Variants in UNC5D observed in about 807,000 individuals in gnomAD.
UNC5D encodes the protein unc-5 netrin receptor D.
A neutral mutation model predicts 105.4 loss-of-function variants in UNC5D; 39 were observed. That is an observed-to-expected ratio of 0.37 (90% CI 0.29 to 0.48). The LOEUF is 0.48. Among genes scored for constraint, UNC5D ranks in the 20% least tolerant of loss-of-function variants. The probability of loss-of-function intolerance (pLI) is 0.98; values close to 1 mark genes in which losing one functional copy is unlikely to be tolerated. For synonymous variants in UNC5D, 452 were observed against 450.4 expected, an observed-to-expected ratio of 1.00 and a Z score of -0.04; for missense variants, 991 against 1,202.4, an observed-to-expected ratio of 0.82 and a Z score of 2.60.
At chr8:35,719,429 A>C (rs990114232) in intron 8 of UNC5D, among the ~76,000 whole-genome samples, 1 of 152,122 alleles carries the variant, frequency 6.6e-6, no homozygotes, top group Non-Finnish European at 1.5e-5. Flanking sequence ...AGAAGGGTAA[A>C]AAAGAAAAGA....
intron 1 of UNC5D, among the ~76,000 whole-genome samples, chr8:35,354,895 C>T (rs149920742): frequency 6.0e-4 from 92 of 152,248 alleles, no homozygotes; most frequent in African/African-American, 2.1e-3. Context: ...CCAGTCCTTC[C>T]ACATGACATA....
chr8:35,706,397 T>A (rs1827579261), intron 8 of UNC5D, among the ~76,000 whole-genome samples: 1 of 152,088 alleles, frequency 6.6e-6, no homozygotes, highest in East Asian at 1.9e-4. Context: ...AACTCCATGG[T>A]GAAATAATGA....
intron 1 of UNC5D, among the ~76,000 whole-genome samples, chr8:35,384,290 C>G (rs1021466218): frequency 6.6e-6 from 1 of 151,946 alleles, no homozygotes; most frequent in Non-Finnish European, 1.5e-5. Flanking sequence ...AAAATTAACT[C>G]TGTTTCCCAC....
intron 1 of UNC5D, among the ~76,000 whole-genome samples, chr8:35,521,376 C>A (rs1455507388): frequency 1.3e-5 from 2 of 152,008 alleles, no homozygotes; most frequent in Non-Finnish European, 2.9e-5. Context: ...TTAAATTAAT[C>A]CTGCTATTCA....
chr8:35,570,129 C>T (rs772139967), intron 3 of UNC5D, among the ~76,000 whole-genome samples: 4 of 152,136 alleles, frequency 2.6e-5, no homozygotes, highest in Admixed American at 6.6e-5. Context: ...GTTAGTTTCC[C>T]GTTGCCATTC....
chr8:35,752,645 C>T (rs1185159713), intron 13 of UNC5D, among the ~76,000 whole-genome samples: 1 of 152,130 alleles, frequency 6.6e-6, no homozygotes, highest in Non-Finnish European at 1.5e-5. Context: ...CCTCTGCACT[C>T]CCCACCCCAC....
At chr8:35,364,027 C>T (rs933854057) in intron 1 of UNC5D, among the ~76,000 whole-genome samples, 2 of 151,962 alleles carry the variant, frequency 1.3e-5, no homozygotes, top group Non-Finnish European at 2.9e-5. Flanking sequence ...TAATAAAAAA[C>T]ACAAAAATTA....
intron 4 of UNC5D, among the ~76,000 whole-genome samples, chr8:35,664,406 T>C (rs28449348): frequency 0.2 from 29,696 of 152,116 alleles, 6,709 homozygotes; most frequent in African/African-American, 0.56. Context: ...GAGCCTTTCT[T>C]GCTCTGTTGC....
At chr8:35,684,430 T>G in intron 5 of UNC5D, 152 bp from the exon 6 acceptor site, 1 of 766,764 alleles carries the variant, frequency 1.3e-6, no homozygotes, top group Non-Finnish European at 2.0e-6. Context: ...TCCCCCACTG[T>G]TGTCTCATAA....
At chr8:35,265,636 C>T (rs1409484484) in intron 1 of UNC5D, among the ~76,000 whole-genome samples, 5 of 151,960 alleles carry the variant, frequency 3.3e-5, no homozygotes, top group South Asian at 2.1e-4. Context: ...TTTGGGAGGC[C>T]GATGTGGGCG....
At chr8:35,780,137 G>T (rs1009131292) in intron 16 of UNC5D, among the ~76,000 whole-genome samples, 9 of 152,160 alleles carry the variant, frequency 5.9e-5, no homozygotes, top group Non-Finnish European at 1.0e-4. Context: ...GTTTTTCCCA[G>T]TGCCCTCCTC....
chr8:35,470,436 G>A (rs1306321008), intron 1 of UNC5D, among the ~76,000 whole-genome samples: 2 of 151,914 alleles, frequency 1.3e-5, no homozygotes, highest in African/African-American at 4.8e-5. Flanking sequence ...GGGGAAGGAA[G>A]ATGTACACAT....
intron 1 of UNC5D, among the ~76,000 whole-genome samples, chr8:35,475,186 G>C (rs980819106): frequency 6.6e-6 from 1 of 152,040 alleles, no homozygotes; most frequent in African/African-American, 2.4e-5. Flanking sequence ...GGTGAATTTG[G>C]GAGTCCAGAC....
chr8:35,549,576 T>C (rs1340503151), intron 2 of UNC5D, 66 bp downstream of exon 2: 10 of 1,439,108 alleles, frequency 6.9e-6, no homozygotes, highest in Non-Finnish European at 9.5e-6. Context: ...GTTATATCTC[T>C]GGGAAAGACT....
chr8:35,348,792 T>C (rs1226537697), intron 1 of UNC5D, among the ~76,000 whole-genome samples: 1 of 151,854 alleles, frequency 6.6e-6, no homozygotes, highest in African/African-American at 2.4e-5. Context: ...GAATGTACCT[T>C]TGAACCAAGG....
chr8:35,646,869 A>G (rs1823085779), intron 4 of UNC5D, among the ~76,000 whole-genome samples: 1 of 152,144 alleles, frequency 6.6e-6, no homozygotes, highest in South Asian at 2.1e-4. Context: ...TTAGGTGAAA[A>G]TGGGATGTCG....
chr8:35,407,279 G>A (rs1336426677), intron 1 of UNC5D, among the ~76,000 whole-genome samples: 3 of 151,960 alleles, frequency 2.0e-5, no homozygotes, highest in South Asian at 4.1e-4. Flanking sequence ...CTTGCCTAAC[G>A]ATGCATTTCT....
chr8:35,460,245 A>T (rs988058227), intron 1 of UNC5D, among the ~76,000 whole-genome samples: 8 of 152,264 alleles, frequency 5.3e-5, no homozygotes, highest in Non-Finnish European at 4.4e-5. Flanking sequence ...GTAGGGGGGC[A>T]GCATTCAGTG....
At chr8:35,510,586 A>G (rs1433095032) in intron 1 of UNC5D, among the ~76,000 whole-genome samples, 1 of 152,090 alleles carries the variant, frequency 6.6e-6, no homozygotes, top group Admixed American at 6.5e-5. Flanking sequence ...CCTGAGACCA[A>G]GAAATATTTG....
Sources: gnomAD v4.1 joint callset for allele counts (sites outside exome capture counted in the v4.1 genomes callset) on GRCh38, gnomAD v4.1.1 for gene constraint, MANE v1.5 for transcripts, NCBI Gene and HGNC (gene_info 2026-07-23, HGNC 2026-07-21) for gene names.